The following PDGFD variants were observed in gnomAD, a reference collection of about 807,000 sequenced individuals.
The protein encoded by PDGFD is platelet-derived growth factor D.
In PDGFD, 30 loss-of-function variants were observed where a neutral mutation model predicts 44.7. That is an observed-to-expected ratio of 0.67 (90% CI 0.50 to 0.91). The LOEUF (loss-of-function observed/expected upper bound fraction) is 0.91. Among genes scored for constraint, PDGFD ranks in the 40% least tolerant of loss-of-function variants. PDGFD has a pLI of 0.00. For synonymous variants in PDGFD, 173 were observed against 168.4 expected (o/e 1.03, Z -0.21); for missense variants, 445 against 457.8 (o/e 0.97, Z 0.25).
intron 1 of PDGFD, among the ~76,000 whole-genome samples, chr11:104,079,140 A>C (rs1861008510): frequency 6.6e-6 from 1 of 152,208 alleles, no homozygotes; most frequent in Non-Finnish European, 1.5e-5. Context: ...AATTCAAACA[A>C]AGTAGACATG....
Position 103,927,127 on chromosome 11 carries a change from C to G in PDGFD, c.773-1G>C. ...TCATCATTGAGCCTATCCAGGTCAA[C>G]TGTAAGCAAATACATGCACTGTGTA... On this transcript the variant is annotated splice_acceptor_variant, in intron 5 of 6. Coordinates refer to ENST00000393158, the MANE Select transcript of PDGFD (RefSeq NM_025208.5). LOFTEE classifies it high-confidence loss of function. 1 of 1,613,682 alleles carries G rather than the reference C, an allele frequency of 6.2e-7. No individual in the cohort carries two copies. Among genetic ancestry groups the G allele is most frequent in the Non-Finnish European group, 8.5e-7 (1 of 1,179,646 alleles).
At chr11:103,977,386 TA>T (rs1309530701) in intron 3 of PDGFD, among the ~76,000 whole-genome samples, 1 of 151,666 alleles carries the variant, frequency 6.6e-6, no homozygotes, top group East Asian at 1.9e-4. Flanking sequence ...AGAGACACAA[TA>T]AAAAAAGAAA....
chr11:103,913,814 G>T (rs1160903921), intron 6 of PDGFD, among the ~76,000 whole-genome samples: 1 of 152,002 alleles, frequency 6.6e-6, no homozygotes, highest in African/African-American at 2.4e-5. Context: ...TGATAAAGGG[G>T]ATATCACCAC....
intron 1 of PDGFD, among the ~76,000 whole-genome samples, chr11:104,060,513 G>C (rs1243789010): frequency 6.6e-6 from 1 of 152,140 alleles, no homozygotes; most frequent in Non-Finnish European, 1.5e-5. Context: ...CTGCCCCTGG[G>C]TTGCTAATTC....
intron 1 of PDGFD, among the ~76,000 whole-genome samples, chr11:104,002,330 T>C (rs1180641584): frequency 2.6e-5 from 4 of 152,114 alleles, no homozygotes; most frequent in African/African-American, 7.2e-5. Flanking sequence ...TGGTGGGAGA[T>C]GACTAGATCA....
At chr11:104,158,607 C>A (rs916823885) in intron 1 of PDGFD, among the ~76,000 whole-genome samples, 3 of 150,378 alleles carry the variant, frequency 2.0e-5, no homozygotes, top group South Asian at 2.1e-4. Flanking sequence ...CCGAGGCCAG[C>A]GGATCACGAG....
chr11:104,026,309 A>C lies in PDGFD; in HGVS notation c.125-26054T>G, dbSNP rs1169908240. ...AACAGGGAATTAATTGTCTACTAATAGTTTCAGAAGTGAGGTTTTTGCACC... is the reference window on the plus strand; with the variant it reads ...AACAGGGAATTAATTGTCTACTAATCGTTTCAGAAGTGAGGTTTTTGCACC... On this transcript the variant is annotated intron_variant, in intron 1 of 6. Coordinates refer to ENST00000393158, the MANE Select transcript of PDGFD (RefSeq NM_025208.5). 2.0e-5 allele frequency among the ~76,000 whole-genome samples: 3 copies of C among 152,226 alleles called. No homozygotes were observed. In the East Asian group the frequency reaches 5.8e-4, roughly 29 times the overall value.
At chr11:103,940,877 T>A (rs1199731840) in intron 5 of PDGFD, among the ~76,000 whole-genome samples, 1 of 152,074 alleles carries the variant, frequency 6.6e-6, no homozygotes, top group Non-Finnish European at 1.5e-5. Flanking sequence ...AAACATCAAG[T>A]AGTATGTCAC....
At chr11:103,972,358 C>T (rs554344143) in intron 3 of PDGFD, among the ~76,000 whole-genome samples, 21 of 152,064 alleles carry the variant, frequency 1.4e-4, no homozygotes, top group Non-Finnish European at 2.4e-4. Context: ...CGGGGTATGC[C>T]AAACCACCCC....
chr11:103,943,845 A>G (rs1041608124), intron 4 of PDGFD, among the ~76,000 whole-genome samples, 195 bp from the exon 5 acceptor site: 3 of 152,194 alleles, frequency 2.0e-5, no homozygotes, highest in Admixed American at 6.6e-5. Context: ...TAAAAAGATA[A>G]CATTCGCTTT....
At chr11:103,932,417 C>G (rs1483008890) in intron 5 of PDGFD, among the ~76,000 whole-genome samples, 1 of 152,132 alleles carries the variant, frequency 6.6e-6, no homozygotes, top group African/African-American at 2.4e-5. Flanking sequence ...GTTCAGTAGG[C>G]TATGTGTATT....
intron 6 of PDGFD, among the ~76,000 whole-genome samples, chr11:103,910,670 G>A (rs144948195): frequency 0.017 from 2,591 of 152,268 alleles, 76 homozygotes; most frequent in African/African-American, 0.06. Context: ...AAAACTGGGC[G>A]GCCATTTGGA....
intron 1 of PDGFD, among the ~76,000 whole-genome samples, chr11:104,026,487 AC>A (rs1860043570): frequency 6.6e-6 from 1 of 151,786 alleles, no homozygotes; most frequent in Non-Finnish European, 1.5e-5. Context: ...TGACCAAAAA[AC>A]ATTTTTTAAA....
At chr11:103,974,763 G>A (rs985414878) in intron 3 of PDGFD, among the ~76,000 whole-genome samples, 1 of 152,122 alleles carries the variant, frequency 6.6e-6, no homozygotes, top group Non-Finnish European at 1.5e-5. Flanking sequence ...TTCTGTTCTT[G>A]TGTTAGTTTG....
intron 3 of PDGFD, among the ~76,000 whole-genome samples, chr11:103,955,169 A>C (rs1858821599): frequency 2.5e-4 from 2 of 7,888 alleles, no homozygotes; most frequent in African/African-American, 2.7e-3. Flanking sequence ...GTCTCAAAAA[A>C]AAAAAAAAAA....
chr11:104,079,469 C>T (rs1861012908), intron 1 of PDGFD, among the ~76,000 whole-genome samples: 2 of 152,212 alleles, frequency 1.3e-5, no homozygotes, highest in African/African-American at 4.8e-5. Flanking sequence ...CTCACTGCAA[C>T]CTCCGGCTCC....
chr11:103,950,934 T>A (rs1858747282), intron 3 of PDGFD, among the ~76,000 whole-genome samples: 2 of 152,196 alleles, frequency 1.3e-5, no homozygotes, highest in African/African-American at 4.8e-5. Context: ...CATAGACACA[T>A]GGTAAAAATA....
Position 103,976,338 on chromosome 11 carries a change from T to C in PDGFD, c.510+19727A>G, listed in dbSNP as rs181527454. Among the ~76,000 whole-genome samples, 9 of 152,270 alleles carry C rather than the reference T, an allele frequency of 5.9e-5. No homozygotes were observed. In the East Asian group the frequency reaches 1.5e-3, roughly 26 times the overall value. ...TCATGATTTGGCTCTTTGTTTATTA[T>C]TGGTGTATAGGAATGTTTGTGATTT... On this transcript the variant is annotated intron_variant, in intron 3 of 6. Transcript: ENST00000393158.
chr11:103,960,641 T>G (rs939710041), intron 3 of PDGFD, among the ~76,000 whole-genome samples: 6 of 152,216 alleles, frequency 3.9e-5, no homozygotes, highest in African/African-American at 1.2e-4. Flanking sequence ...TATCAGCAAC[T>G]TTAAGTTTTT....
Sources: allele counts gnomAD v4.1 joint callset (sites outside exome capture counted in the v4.1 genomes callset), GRCh38; gene constraint gnomAD v4.1.1; transcripts MANE v1.5; gene names NCBI Gene and HGNC (gene_info 2026-07-23, HGNC 2026-07-21).